TENM3: variants seen among roughly 807,000 people sequenced by gnomAD.
The protein encoded by TENM3 is teneurin transmembrane protein 3.
A neutral mutation model predicts 255.1 loss-of-function variants in TENM3; 63 were observed. That is an observed-to-expected ratio of 0.25 (90% CI 0.20 to 0.30). The LOEUF is 0.30. Among genes scored for constraint, TENM3 ranks in the 10% least tolerant of loss-of-function variants. The pLI is 1.00. For missense variants in TENM3, 2,929 were observed against 3,461.1 expected (o/e 0.85, Z 3.86); for synonymous variants, 1,306 against 1,322.3 (o/e 0.99, Z 0.27).
intron 22 of TENM3, among the ~76,000 whole-genome samples, chr4:182,764,568 A>G (rs1763514146): frequency 6.6e-6 from 1 of 152,260 alleles, no homozygotes; most frequent in Non-Finnish European, 1.5e-5. Flanking sequence ...AGTTGTGAAT[A>G]AAGGCTACCC....
the TENM3 span, among the ~76,000 whole-genome samples, chr4:181,825,200 A>G: frequency 3.6e-3 from 542 of 152,298 alleles, 3 homozygotes; most frequent in Non-Finnish European, 5.2e-3. Flanking sequence ...CAAGAGACCA[A>G]GACCATCCTG....
At chr4:181,893,704 G>C in the TENM3 span, among the ~76,000 whole-genome samples, 1 of 151,904 alleles carries the variant, frequency 6.6e-6, no homozygotes, top group Non-Finnish European at 1.5e-5. Context: ...GTTAGTATTT[G>C]GTCCTGTTTC....
the TENM3 span, among the ~76,000 whole-genome samples, chr4:181,558,053 A>C: frequency 6.6e-6 from 1 of 152,192 alleles, no homozygotes; most frequent in African/African-American, 2.4e-5. Context: ...TGGTTTCCAA[A>C]GCAGTTGGGA....
At chr4:182,634,707 T>TAAAAAAA (rs11395245) in intron 5 of TENM3, among the ~76,000 whole-genome samples, 6 of 116,312 alleles carry the variant, frequency 5.2e-5, no homozygotes, top group South Asian at 3.2e-4. Context: ...ACTCTGAAAT[T>TAAAAAAA]AAAAAAAAAA....
chr4:181,887,592 A>G, the TENM3 span, among the ~76,000 whole-genome samples: 59,390 of 152,014 alleles, frequency 0.39, 11,833 homozygotes, highest in Middle Eastern at 0.47. Context: ...ACTGTTTAAA[A>G]TATTTCCAAG....
At chr4:181,717,477 T>C in the TENM3 span, among the ~76,000 whole-genome samples, 1 of 152,218 alleles carries the variant, frequency 6.6e-6, no homozygotes, top group Non-Finnish European at 1.5e-5. Context: ...GTAAACCAGA[T>C]AATAGACTCT....
At chr4:182,309,621 A>T (rs1762325058) in intron 1 of TENM3, among the ~76,000 whole-genome samples, 1 of 152,198 alleles carries the variant, frequency 6.6e-6, no homozygotes, top group Non-Finnish European at 1.5e-5. Context: ...TGTGGGAACA[A>T]TTTTTTTCTT....
chr4:181,664,138 G>T, the TENM3 span, among the ~76,000 whole-genome samples: 1 of 152,052 alleles, frequency 6.6e-6, no homozygotes. Context: ...TGCCTTTTCT[G>T]TACCTCAGTT....
chr4:181,470,798 C>T, the TENM3 span, among the ~76,000 whole-genome samples: 1 of 152,098 alleles, frequency 6.6e-6, no homozygotes, highest in African/African-American at 2.4e-5. Context: ...ATTCCAACAG[C>T]AGCATATCTA....
At chr4:182,518,893 G>T (rs189475703) in intron 3 of TENM3, among the ~76,000 whole-genome samples, 217 of 152,232 alleles carry the variant, frequency 1.4e-3, no homozygotes, top group African/African-American at 5.1e-3. Flanking sequence ...ACCTATTAAG[G>T]AAAACAACTA....
intron 3 of TENM3, among the ~76,000 whole-genome samples, chr4:182,524,325 G>A (rs1002592507): frequency 6.7e-6 from 1 of 148,376 alleles, no homozygotes; most frequent in Admixed American, 6.7e-5. Flanking sequence ...TCAGAATGGT[G>A]GGTTAATATA....
At chr4:181,813,081 C>T in the TENM3 span, among the ~76,000 whole-genome samples, 1 of 152,184 alleles carries the variant, frequency 6.6e-6, no homozygotes, top group Non-Finnish European at 1.5e-5. Context: ...TTTCACAGTT[C>T]TGGATGCTGG....
chr4:181,568,323 C>A, the TENM3 span, among the ~76,000 whole-genome samples: 1 of 151,956 alleles, frequency 6.6e-6, no homozygotes, highest in South Asian at 2.1e-4. Flanking sequence ...GCCACCACAC[C>A]CAGATAATTG....
chr4:182,144,371 C>T (rs1255358492), upstream of TENM3: 5 of 152,792 alleles, frequency 3.3e-5, no homozygotes, highest in African/African-American at 7.2e-5. Context: ...TCCCTCGCCT[C>T]CCCGGTCCTC....
intron 3 of TENM3, among the ~76,000 whole-genome samples, chr4:182,583,197 T>A (rs1281963065): frequency 6.6e-6 from 1 of 152,198 alleles, no homozygotes; most frequent in East Asian, 1.9e-4. Context: ...CATCCCAGAA[T>A]AAGCCCCTTG....
chr4:181,673,308 A>G, the TENM3 span, among the ~76,000 whole-genome samples: 4 of 152,146 alleles, frequency 2.6e-5, no homozygotes, highest in Non-Finnish European at 4.4e-5. Context: ...GTCTCAGTCC[A>G]TGGACTTTTT....
the TENM3 span, among the ~76,000 whole-genome samples, chr4:182,101,288 G>A: frequency 1.2e-4 from 12 of 101,400 alleles, no homozygotes; most frequent in Admixed American, 2.1e-4. Flanking sequence ...AGAAGGGAGG[G>A]AGGAAGGAAG....
At chr4:182,529,872 G>A (rs1404302611) in intron 3 of TENM3, among the ~76,000 whole-genome samples, 2 of 152,270 alleles carry the variant, frequency 1.3e-5, no homozygotes, top group East Asian at 3.9e-4. Context: ...TTGTGTACAC[G>A]TGCCAAATGA....
the TENM3 span, among the ~76,000 whole-genome samples, chr4:182,042,880 C>CGT: frequency 7.6e-4 from 113 of 149,356 alleles, no homozygotes; most frequent in East Asian, 3.6e-3. Context: ...ATCGTGTGTG[C>CGT]GTGTGTGTGT....
Sources: allele counts gnomAD v4.1 joint callset (sites outside exome capture counted in the v4.1 genomes callset), GRCh38; gene constraint gnomAD v4.1.1; transcripts MANE v1.5; gene names NCBI Gene and HGNC (gene_info 2026-07-23, HGNC 2026-07-21).